Variants in CCSER1 observed in about 807,000 individuals in gnomAD.
CCSER1 encodes the protein serine-rich coiled-coil domain-containing protein 1.
CCSER1 carries 41 observed loss-of-function variants against 82.0 expected under a neutral mutation model. The observed-to-expected ratio is 0.50, with a 90% CI of 0.39 to 0.65. The LOEUF is 0.65. Ranked by LOEUF, CCSER1 falls within the 30% of genes least tolerant of loss-of-function variation. CCSER1 has a pLI of 0.00. For missense variants in CCSER1, 1,119 were observed against 1,064.2 expected, an observed-to-expected ratio of 1.05 and a Z score of -0.72; for synonymous variants, 414 against 383.9, an observed-to-expected ratio of 1.08 and a Z score of -0.92.
intron 10 of CCSER1, among the ~76,000 whole-genome samples, chr4:91,474,787 GTATATATA>G (rs764572024): frequency 0.13 from 16,896 of 134,998 alleles, 1,137 homozygotes; most frequent in Middle Eastern, 0.2. Flanking sequence ...ATATATTTGT[GTATATATA>G]TATATATATA....
At chr4:91,023,664 G>C (rs928546277) in intron 9 of CCSER1, among the ~76,000 whole-genome samples, 1 of 152,092 alleles carries the variant, frequency 6.6e-6, no homozygotes, top group Non-Finnish European at 1.5e-5. Flanking sequence ...ATTCAAGTTG[G>C]ATTAAAAGAC....
intron 3 of CCSER1, chr4:90,369,996 T>C (rs1449481476): frequency 6.6e-6 from 1 of 152,134 alleles, no homozygotes; most frequent in Non-Finnish European, 1.5e-5. Flanking sequence ...CTAGGAGTTT[T>C]ACCTAACAAT....
At chr4:90,673,723 C>G (rs1384605750) in intron 6 of CCSER1, among the ~76,000 whole-genome samples, 1 of 151,986 alleles carries the variant, frequency 6.6e-6, no homozygotes, top group Admixed American at 6.6e-5. Flanking sequence ...ATAGGCAAAT[C>G]TCTTCACTAA....
chr4:91,081,704 C>A (rs1363765938), intron 9 of CCSER1, among the ~76,000 whole-genome samples: 2 of 152,192 alleles, frequency 1.3e-5, no homozygotes, highest in Non-Finnish European at 2.9e-5. Context: ...TGATAAGCAA[C>A]TTCAGCAAAG....
intron 8 of CCSER1, among the ~76,000 whole-genome samples, chr4:90,833,056 G>T (rs1761333094): frequency 6.6e-6 from 1 of 152,180 alleles, no homozygotes; most frequent in East Asian, 1.9e-4. Context: ...TTTCTGTGCG[G>T]CCATAACGAA....
intron 9 of CCSER1, among the ~76,000 whole-genome samples, chr4:91,036,123 G>A (rs1434154589): frequency 6.6e-6 from 1 of 152,196 alleles, no homozygotes; most frequent in Non-Finnish European, 1.5e-5. Context: ...TATTTAGTGA[G>A]CTGAGGACAG....
rs184735501 is a variant in CCSER1, at chr4:90,254,036, G to A, written c.-41-54208G>A. Among the ~76,000 whole-genome samples, 309 of 152,112 alleles carry A rather than the reference G, an allele frequency of 2.0e-3. 2 individuals carry two copies. The highest frequency in any genetic ancestry group is 6.7e-3 in the African/African-American group (277 of 41,496). On this transcript the variant is annotated intron_variant, in intron 1 of 10. Coordinates refer to ENST00000509176, the MANE Select transcript of CCSER1 (RefSeq NM_001145065.2). ...GACTTTGAGACTTATTCCTACCCTG[G>A]GAATGCTCTTTAGTTGTGTCTTTTC...
At chr4:90,956,803 A>G (rs1037584809) in intron 9 of CCSER1, among the ~76,000 whole-genome samples, 3 of 147,436 alleles carry the variant, frequency 2.0e-5, no homozygotes, top group Non-Finnish European at 4.5e-5. Context: ...CAGTATTTTA[A>G]CTCTGTCACC....
intron 10 of CCSER1, among the ~76,000 whole-genome samples, chr4:91,472,673 A>AATC (rs1757347817): frequency 6.6e-6 from 1 of 152,186 alleles, no homozygotes; most frequent in African/African-American, 2.4e-5. Flanking sequence ...TCATAGGCAC[A>AATC]ATCTCTTCGA....
At chr4:90,702,364 T>C in intron 6 of CCSER1, among the ~76,000 whole-genome samples, 1 of 152,206 alleles carries the variant, frequency 6.6e-6, no homozygotes, top group Non-Finnish European at 1.5e-5. Context: ...TGCTGCTGGA[T>C]TCAGTTTGCC....
chr4:91,584,035 T>G (rs1244970529), intron 10 of CCSER1, among the ~76,000 whole-genome samples: 1 of 151,466 alleles, frequency 6.6e-6, no homozygotes, highest in African/African-American at 2.4e-5. Flanking sequence ...TAAAATTGTC[T>G]GAGATATTAT....
At chr4:91,341,768 C>T (rs903041053) in intron 10 of CCSER1, among the ~76,000 whole-genome samples, 1 of 152,214 alleles carries the variant, frequency 6.6e-6, no homozygotes, top group Non-Finnish European at 1.5e-5. Flanking sequence ...GTCTCTTGAC[C>T]TCAAGTGATC....
chr4:90,793,165 CT>C (rs200232459), intron 7 of CCSER1, among the ~76,000 whole-genome samples: 1 of 151,690 alleles, frequency 6.6e-6, no homozygotes, highest in Non-Finnish European at 1.5e-5. Flanking sequence ...TAATTTCTTA[CT>C]TTTTTTTTCT....
chr4:90,152,844 A>C (rs1245344481), intron 1 of CCSER1, among the ~76,000 whole-genome samples: 4 of 151,652 alleles, frequency 2.6e-5, no homozygotes, highest in Non-Finnish European at 5.9e-5. Flanking sequence ...AGTTGCTTTT[A>C]AGATTTGTAT....
intron 1 of CCSER1, among the ~76,000 whole-genome samples, chr4:90,216,737 G>T (rs993889487): frequency 5.9e-5 from 9 of 151,986 alleles, no homozygotes; most frequent in African/African-American, 2.2e-4. Context: ...TTTTTGTTTA[G>T]GATTTCTTTG....
intron 10 of CCSER1, among the ~76,000 whole-genome samples, chr4:91,172,551 T>C (rs1305232712): frequency 3.3e-5 from 5 of 152,188 alleles, no homozygotes; most frequent in African/African-American, 1.2e-4. Context: ...TGATTAATAT[T>C]CATTCTACAT....
intron 8 of CCSER1, among the ~76,000 whole-genome samples, chr4:90,856,215 T>C (rs1346237378): frequency 6.6e-6 from 1 of 152,154 alleles, no homozygotes; most frequent in Non-Finnish European, 1.5e-5. Flanking sequence ...ATGGAGCAGA[T>C]GGAGTAGCTT....
chr4:91,572,773 G>A (rs1578824409), intron 10 of CCSER1, among the ~76,000 whole-genome samples: 1 of 150,896 alleles, frequency 6.6e-6, no homozygotes, highest in East Asian at 2.0e-4. Flanking sequence ...ACCAGCCTGG[G>A]CAACATGTCA....
chr4:90,766,368 A>T lies in CCSER1; in HGVS notation c.2010+42377A>T, dbSNP rs554971385. Among the ~76,000 whole-genome samples the T allele has an allele frequency of 2.6e-5, 4 of 152,340 alleles. No individual in the cohort carries two copies. In the South Asian group the frequency reaches 8.3e-4, roughly 32 times the overall value. On this transcript the variant is annotated intron_variant, in intron 7 of 10. Coordinates refer to ENST00000509176, the MANE Select transcript of CCSER1 (RefSeq NM_001145065.2). Reference sequence around the variant, plus strand: ...TTCTTGAGGATCACGCCTACTAAGTAACACCAGGTGCAACTAAATAAAGAG... The same window carrying T: ...TTCTTGAGGATCACGCCTACTAAGTTACACCAGGTGCAACTAAATAAAGAG...
Sources: gnomAD v4.1 joint callset for allele counts (sites outside exome capture counted in the v4.1 genomes callset) on GRCh38, gnomAD v4.1.1 for gene constraint, MANE v1.5 for transcripts, NCBI Gene and HGNC (gene_info 2026-07-23, HGNC 2026-07-21) for gene names.